WWOX: variants seen among roughly 807,000 people sequenced by gnomAD.
WWOX encodes the protein WW domain containing oxidoreductase.
In WWOX, 69 loss-of-function variants were observed where a neutral mutation model predicts 46.2. The ratio of observed to expected loss-of-function variants is 1.49; its 90% confidence interval spans 1.23 to 1.82. The LOEUF (loss-of-function observed/expected upper bound fraction) is 1.82. Ranked by LOEUF, WWOX falls within the 40% of genes most tolerant of loss-of-function variation. The probability of loss-of-function intolerance (pLI) is 0.00; values close to 1 mark genes in which losing one functional copy is unlikely to be tolerated. For synonymous variants in WWOX, 359 were observed against 202.6 expected, an observed-to-expected ratio of 1.77 and a Z score of -6.56; for missense variants, 919 against 542.6, an observed-to-expected ratio of 1.69 and a Z score of -6.89.
At chr16:79,052,060 T>G (rs940109157) in intron 8 of WWOX, among the ~76,000 whole-genome samples, 1 of 151,894 alleles carries the variant, frequency 6.6e-6, no homozygotes, top group Non-Finnish European at 1.5e-5. Context: ...TAATTATACT[T>G]TAAGTTTTAG....
intron 8 of WWOX, among the ~76,000 whole-genome samples, chr16:78,760,441 A>T (rs1172059646): frequency 1.3e-5 from 2 of 152,194 alleles, no homozygotes; most frequent in Non-Finnish European, 2.9e-5. Flanking sequence ...ATTTGATTTT[A>T]TCATGCAAGG....
At chr16:78,144,824 C>T (rs890424412) in intron 4 of WWOX, among the ~76,000 whole-genome samples, 14 of 151,718 alleles carry the variant, frequency 9.2e-5, no homozygotes, top group African/African-American at 2.7e-4. Context: ...CCTGGCCTGC[C>T]GTTACTTTTA....
Position 78,432,658 on chromosome 16 carries a change from T to C in WWOX, c.962T>C (p.Val321Ala), listed in dbSNP as rs774783221. 27 of 1,614,102 alleles carry C rather than the reference T, an allele frequency of 1.7e-5. No homozygotes were observed. Among genetic ancestry groups the C allele is most frequent in the Non-Finnish European group, 2.2e-5 (26 of 1,180,050 alleles). ...CCACGCGGGGTCACGTCGAACGCAG[T>C]GCATCCTGGAAATATGATGTACTCC... ...LSPRGVTSNA[V>A]HPGNMMYSNI... Residue 321 changes from valine to alanine, a missense_variant, in exon 8 of 9, where the codon GTG (valine) becomes GCG (alanine). Transcript: ENST00000566780.
chr16:78,750,803 G>A (rs1011330143), intron 8 of WWOX, among the ~76,000 whole-genome samples: 1 of 152,128 alleles, frequency 6.6e-6, no homozygotes, highest in African/African-American at 2.4e-5. Flanking sequence ...CTGTATCCAC[G>A]TTGCTGCAAA....
intron 8 of WWOX, among the ~76,000 whole-genome samples, chr16:79,170,338 G>T (rs1418107568): frequency 6.6e-6 from 1 of 152,164 alleles, no homozygotes; most frequent in Non-Finnish European, 1.5e-5. Flanking sequence ...AGGTCCCCCA[G>T]CTAGGAAGTA....
At chr16:79,165,450 A>C (rs1567592870) in intron 8 of WWOX, among the ~76,000 whole-genome samples, 1 of 152,162 alleles carries the variant, frequency 6.6e-6, no homozygotes, top group Non-Finnish European at 1.5e-5. Context: ...TTGCTTCATA[A>C]ATGTCTATAA....
intron 8 of WWOX, chr16:78,535,404 G>A (rs1355985120): frequency 6.6e-6 from 1 of 152,172 alleles, no homozygotes. Flanking sequence ...CTTTTATTGT[G>A]TGGCAGCTAA....
At chr16:78,845,762 C>A (rs186401995) in intron 8 of WWOX, among the ~76,000 whole-genome samples, 1 of 152,308 alleles carries the variant, frequency 6.6e-6, no homozygotes, top group African/African-American at 2.4e-5. Context: ...ATGTACTAAT[C>A]CTGTACTAAT....
intron 8 of WWOX, among the ~76,000 whole-genome samples, chr16:78,838,638 T>G (rs1186247512): frequency 6.6e-6 from 1 of 152,080 alleles, no homozygotes; most frequent in Non-Finnish European, 1.5e-5. Flanking sequence ...GGTCCGGAGT[T>G]CCAGACCAGC....
At chr16:78,490,763 A>T (rs1038719135) in intron 8 of WWOX, among the ~76,000 whole-genome samples, 1 of 152,138 alleles carries the variant, frequency 6.6e-6, no homozygotes, top group Non-Finnish European at 1.5e-5. Flanking sequence ...ACACCTTACC[A>T]AGCACCCCTT....
chr16:79,000,130 C>G (rs900235161), intron 8 of WWOX, among the ~76,000 whole-genome samples: 1 of 152,294 alleles, frequency 6.6e-6, no homozygotes, highest in Admixed American at 6.5e-5. Context: ...ACTGCTGCTC[C>G]TTTGTCCAGA....
At chr16:78,688,369 TAA>T (rs11458852) in intron 8 of WWOX, among the ~76,000 whole-genome samples, 67 of 142,294 alleles carry the variant, frequency 4.7e-4, no homozygotes, top group African/African-American at 1.1e-3. Context: ...TCAGTTACTT[TAA>T]AAAAAAAAAA....
chr16:78,793,256 T>C (rs1370590587), intron 8 of WWOX, among the ~76,000 whole-genome samples: 1 of 152,132 alleles, frequency 6.6e-6, no homozygotes, highest in Non-Finnish European at 1.5e-5. Flanking sequence ...AGACGGTGTT[T>C]TGCCATGTTG....
chr16:78,449,972 A>G (rs943631673), intron 8 of WWOX, among the ~76,000 whole-genome samples: 1 of 151,874 alleles, frequency 6.6e-6, no homozygotes, highest in Non-Finnish European at 1.5e-5. Flanking sequence ...TATCTAGACT[A>G]TATGTAATCC....
intron 8 of WWOX, among the ~76,000 whole-genome samples, chr16:78,827,479 C>G (rs188096029): frequency 9.9e-5 from 15 of 152,094 alleles, no homozygotes; most frequent in Middle Eastern, 3.4e-3. Context: ...TAACACATTT[C>G]CAGCCCCATT....
chr16:78,605,508 C>G (rs2045734788), intron 8 of WWOX, among the ~76,000 whole-genome samples: 1 of 151,992 alleles, frequency 6.6e-6, no homozygotes, highest in African/African-American at 2.4e-5. Context: ...AAAAGGGTAG[C>G]CAGTTTTCTG....
intron 5 of WWOX, among the ~76,000 whole-genome samples, chr16:78,229,323 C>G (rs1455752045): frequency 6.6e-6 from 1 of 150,860 alleles, no homozygotes; most frequent in Non-Finnish European, 1.5e-5. Context: ...CAATTCCTGA[C>G]TCTTGATCAA....
intron 4 of WWOX, among the ~76,000 whole-genome samples, chr16:78,121,577 TATA>T (rs1034100453): frequency 6.6e-6 from 1 of 152,164 alleles, no homozygotes; most frequent in African/African-American, 2.4e-5. Flanking sequence ...GTAAAATGCT[TATA>T]ATAGGGGTGT....
Position 78,390,913 on chromosome 16 carries a change from T to C in WWOX, c.605+3965T>C, listed in dbSNP as rs556735449. 2.6e-5 allele frequency among the ~76,000 whole-genome samples: 4 copies of C among 152,356 alleles called. No individual in the cohort carries two copies. In the South Asian group the frequency reaches 6.2e-4, roughly 24 times the overall value. On this transcript the variant is annotated intron_variant, in intron 6 of 8. Coordinates refer to ENST00000566780, the MANE Select transcript of WWOX (RefSeq NM_016373.4). ...TCCATGTGGATGCTCTTATTTAATA[T>C]GCCGTTTCAAAGCCTGTATGTGATC... is the stretch of plus-strand genomic sequence containing the variant.
Sources: allele counts gnomAD v4.1 joint callset (sites outside exome capture counted in the v4.1 genomes callset), GRCh38; gene constraint gnomAD v4.1.1; transcripts MANE v1.5; gene names NCBI Gene and HGNC (gene_info 2026-07-23, HGNC 2026-07-21).